Variants in VPS13A observed in about 807,000 individuals in gnomAD.
The protein encoded by VPS13A is vacuolar protein sorting 13 homolog A.
A neutral mutation model predicts 390.9 loss-of-function variants in VPS13A; 264 were observed. The observed-to-expected ratio is 0.68, with a 90% CI of 0.61 to 0.75. The LOEUF is 0.75. Ranked by LOEUF, VPS13A falls within the 30% of genes least tolerant of loss-of-function variation. The pLI, the probability that VPS13A is intolerant of heterozygous loss-of-function variation, is 0.00. For synonymous variants in VPS13A, 1,231 were observed against 1,227.1 expected (o/e 1.00, Z -0.07); for missense variants, 3,409 against 3,733.9 (o/e 0.91, Z 2.27).
intron 68 of VPS13A, among the ~76,000 whole-genome samples, chr9:77,395,506 G>C (rs1032511459): frequency 3.9e-5 from 6 of 152,318 alleles, no homozygotes; most frequent in African/African-American, 1.4e-4. Flanking sequence ...TTAACAAAAT[G>C]TGACTTAGAG....
chr9:77,267,343 G>C (rs1233659115), intron 23 of VPS13A, among the ~76,000 whole-genome samples: 1 of 152,138 alleles, frequency 6.6e-6, no homozygotes, highest in African/African-American at 2.4e-5. Flanking sequence ...TTCGGATGGG[G>C]TTTCTGTGTG....
At chr9:77,374,114 G>T (rs2131595808) in intron 67 of VPS13A, among the ~76,000 whole-genome samples, 1 of 152,184 alleles carries the variant, frequency 6.6e-6, no homozygotes, top group South Asian at 2.1e-4. Flanking sequence ...TTCAAACTCA[G>T]TTTGTCTTCA....
intron 34 of VPS13A, among the ~76,000 whole-genome samples, chr9:77,304,691 G>T (rs1828608975): frequency 6.6e-6 from 1 of 152,064 alleles, no homozygotes; most frequent in Non-Finnish European, 1.5e-5. Context: ...TTTCTTATTG[G>T]TTGACATTGC....
At chr9:77,221,420 G>A in intron 13 of VPS13A, 64 bp downstream of exon 13, 1 of 1,549,510 alleles carries the variant, frequency 6.5e-7, no homozygotes, top group Non-Finnish European at 8.9e-7. Context: ...GGTCTTCAGT[G>A]ACTGATACTC....
intron 50 of VPS13A, among the ~76,000 whole-genome samples, chr9:77,342,627 C>A (rs1434356425): frequency 6.6e-6 from 1 of 151,980 alleles, no homozygotes; most frequent in Non-Finnish European, 1.5e-5. Context: ...TACTTTTGGG[C>A]TATGTGTATA....
intron 63 of VPS13A, 44 bp from the exon 64 acceptor site, chr9:77,370,213 G>C: frequency 6.2e-7 from 1 of 1,601,012 alleles, no homozygotes; most frequent in Non-Finnish European, 8.6e-7. Flanking sequence ...CTTTAAAAGT[G>C]AATATAACTC....
At chr9:77,243,041 T>A (rs1020076075) in intron 19 of VPS13A, among the ~76,000 whole-genome samples, 9 of 152,218 alleles carry the variant, frequency 5.9e-5, no homozygotes, top group African/African-American at 1.9e-4. Context: ...TTCTAGAAAG[T>A]TAAAATTTAC....
intron 1 of VPS13A, among the ~76,000 whole-genome samples, chr9:77,191,272 T>A (rs1268101133): frequency 1.3e-5 from 2 of 151,542 alleles, no homozygotes; most frequent in African/African-American, 4.8e-5. Flanking sequence ...ATAATTCCTT[T>A]CTTTTCTTTT....
intron 57 of VPS13A, among the ~76,000 whole-genome samples, 159 bp from the exon 58 acceptor site, chr9:77,359,174 G>C (rs1476420783): frequency 6.6e-6 from 1 of 152,174 alleles, no homozygotes; most frequent in Non-Finnish European, 1.5e-5. Context: ...GCTAGAGTCT[G>C]AAATTAAGAT....
intron 67 of VPS13A, among the ~76,000 whole-genome samples, chr9:77,371,808 T>TCCCCCCA (rs1162742959): frequency 2.5e-5 from 1 of 40,258 alleles, no homozygotes; most frequent in Non-Finnish European, 4.6e-5. Context: ...CCCTCCCCCC[T>TCCCCCCA]CCCCCCTCCC....
chr9:77,339,266 TCA>T, intron 47 of VPS13A: 1 of 468,940 alleles, frequency 2.1e-6, no homozygotes, highest in South Asian at 3.5e-5. Flanking sequence ...TATTTAATCT[TCA>T]CAGTTTGTCC....
At chr9:77,187,235 G>A (rs1251803462) in intron 1 of VPS13A, among the ~76,000 whole-genome samples, 2 of 151,978 alleles carry the variant, frequency 1.3e-5, no homozygotes, top group Non-Finnish European at 2.9e-5. Context: ...CAGATTTTTG[G>A]GTTACATACC....
intron 45 of VPS13A, among the ~76,000 whole-genome samples, chr9:77,331,558 T>C (rs563001514): frequency 6.6e-6 from 1 of 152,216 alleles, no homozygotes; most frequent in East Asian, 1.9e-4. Context: ...ATTGCAACTT[T>C]TTTAATGATT....
intron 5 of VPS13A, 25 bp from the exon 6 acceptor site, chr9:77,209,397 TA>T (rs775147536): frequency 6.0e-6 from 9 of 1,507,104 alleles, no homozygotes; most frequent in Non-Finnish European, 6.4e-6. Context: ...CATTCAATTT[TA>T]AAAAAGGAAT....
At chr9:77,207,461 C>G (rs1004356481) in intron 5 of VPS13A, among the ~76,000 whole-genome samples, 4 of 150,172 alleles carry the variant, frequency 2.7e-5, no homozygotes, top group Admixed American at 6.7e-5. Flanking sequence ...TTCATCTTCT[C>G]TATATAGTTC....
rs74472295 is a variant in VPS13A, at chr9:77,232,781, C to T, written c.1595+4517C>T. On this transcript the variant is annotated intron_variant, in intron 17 of 71. Transcript: ENST00000360280. ...GAGAACAGCACTGGAAAAACCTACC[C>T]TCTTGATCCAGTTACCTCCCATCAG... Among the ~76,000 whole-genome samples the T allele has an allele frequency of 4.8e-3, 737 of 152,266 alleles. 9 individuals carry two copies. Among genetic ancestry groups the T allele is most frequent in the African/African-American group, 0.017 (699 of 41,562 alleles).
intron 9 of VPS13A, among the ~76,000 whole-genome samples, chr9:77,213,647 C>T (rs773828939): frequency 1.3e-5 from 2 of 151,972 alleles, no homozygotes; most frequent in Non-Finnish European, 2.9e-5. Flanking sequence ...ACTATAGGCA[C>T]ACGCCACCAT....
chr9:77,374,946 A>G lies in VPS13A; in HGVS notation c.9077+3797A>G, dbSNP rs75685975. Among the ~76,000 whole-genome samples, 457 of 152,154 alleles carry G rather than the reference A, an allele frequency of 3.0e-3. 5 individuals carry two copies. Among genetic ancestry groups the G allele is most frequent in the African/African-American group, 9.6e-3 (400 of 41,514 alleles). On this transcript the variant is annotated intron_variant, in intron 67 of 71. Coordinates refer to ENST00000360280, the MANE Select transcript of VPS13A (RefSeq NM_033305.3). ...TGTCATCATATGAGCTATTCCTCTT[A>G]AGCCAGTATTTCATACTGGTTACCA...
At chr9:77,313,688 A>G (rs182836998) in intron 35 of VPS13A, among the ~76,000 whole-genome samples, 2 of 152,268 alleles carry the variant, frequency 1.3e-5, no homozygotes, top group Non-Finnish European at 2.9e-5. Flanking sequence ...GTGCTATTTT[A>G]CTTAATCTCC....
Sources: allele counts gnomAD v4.1 joint callset (sites outside exome capture counted in the v4.1 genomes callset), GRCh38; gene constraint gnomAD v4.1.1; transcripts MANE v1.5; gene names NCBI Gene and HGNC (gene_info 2026-07-23, HGNC 2026-07-21).